The following CCDC85B variants were observed in gnomAD, a reference collection of about 807,000 sequenced individuals.
CCDC85B encodes the protein coiled-coil domain-containing protein 85B.
In CCDC85B, 8 loss-of-function variants were observed where a neutral mutation model predicts 13.6. That is an observed-to-expected ratio of 0.59 (90% CI 0.35 to 1.06). CCDC85B has a LOEUF of 1.06. CCDC85B is among the 50% of genes least tolerant of loss of function. The pLI, the probability that CCDC85B is intolerant of heterozygous loss-of-function variation, is 0.02. For synonymous variants in CCDC85B, 118 were observed against 135.9 expected, an observed-to-expected ratio of 0.87 and a Z score of 0.92; for missense variants, 217 against 285.9, an observed-to-expected ratio of 0.76 and a Z score of 1.74.
chr11:65,891,062 C>A lies in CCDC85B; in HGVS notation c.279C>A (p.Arg93=), dbSNP rs567848309. Residue 93 remains arginine (R), a synonymous_variant, in exon 1 of 1, where the codon CGC becomes CGA. Coordinates refer to ENST00000312579, the MANE Select transcript of CCDC85B (RefSeq NM_006848.3). The surrounding 1 kb of genome is among the most constrained non-coding windows in gnomAD (Gnocchi z 7.3). ...ACTCGGAGCGCCAGCGCGGGCGGCGCGCCGCACGCCAGTGGCAGCTCTTCG... is the reference window on the plus strand; with the variant it reads ...ACTCGGAGCGCCAGCGCGGGCGGCGAGCCGCACGCCAGTGGCAGCTCTTCG... ...FLDSERQRGR[R]AARQWQLFGT... is the part of the protein sequence containing the mutation. 11 of 1,545,208 alleles carry A rather than the reference C, an allele frequency of 7.1e-6. No individual in the cohort carries two copies. In the South Asian group the frequency reaches 1.1e-4, roughly 15 times the overall value.
Position 65,891,406 on chromosome 11 carries a change from T to G in CCDC85B, c.*14T>G. 2 of 1,545,600 alleles carry G rather than the reference T, an allele frequency of 1.3e-6. No homozygotes were observed. Among genetic ancestry groups the G allele is most frequent in the Non-Finnish European group, 1.7e-6 (2 of 1,150,452 alleles). On this transcript the variant is annotated 3_prime_UTR_variant, in exon 1 of 1. Coordinates refer to ENST00000312579, the MANE Select transcript of CCDC85B (RefSeq NM_006848.3). The surrounding 1 kb of genome is among the most constrained non-coding windows in gnomAD (Gnocchi z 7.3). ...CCCGATGATTGAAGGCACTGCTTCC[T>G]CCACGCCGACGCCCGCCCGGATTGC... is the stretch of plus-strand genomic sequence containing the variant.
rs970230123 is a variant in CCDC85B, at chr11:65,891,087, G to C, written c.304G>C (p.Gly102Arg). ...RRAARQWQLF[G>R]TQASRAVRED... ...CGCCGCACGCCAGTGGCAGCTCTTCGGGACCCAAGCATCCCGGGCCGTGCG... is the reference window on the plus strand; with the variant it reads ...CGCCGCACGCCAGTGGCAGCTCTTCCGGACCCAAGCATCCCGGGCCGTGCG... Residue 102 changes from glycine (G) to arginine (R), a missense_variant, in exon 1 of 1, where the codon GGG (glycine) becomes CGG (arginine). Transcript: ENST00000312579. The surrounding 1 kb of genome is among the most constrained non-coding windows in gnomAD (Gnocchi z 7.3). 1 of 1,568,362 alleles carries C rather than the reference G, an allele frequency of 6.4e-7. No individual in the cohort carries two copies. The highest frequency in any genetic ancestry group is 1.8e-5 in the Admixed American group (1 of 54,950).
Position 65,890,755 on chromosome 11 carries a change from C to T in CCDC85B, c.-29C>T. On this transcript the variant is annotated 5_prime_UTR_variant, in exon 1 of 1. Coordinates refer to ENST00000312579, the MANE Select transcript of CCDC85B (RefSeq NM_006848.3). ...GGGGCTCCTGGGCCGCGGCGGCGGG[C>T]GGGCGATGCTCCAGAGGCCTGACCA... The T allele has an allele frequency of 2.2e-6, 3 of 1,372,494 alleles. No homozygotes were observed. Among genetic ancestry groups the T allele is most frequent in the Non-Finnish European group, 2.8e-6 (3 of 1,070,420 alleles). 85.0% of individuals were successfully genotyped at this position (1,372,494 alleles called of 1,614,324 possible). A position where few individuals can be genotyped will look rare whatever the true frequency, so the allele number is the denominator to read the frequency against.
Position 65,891,059 on chromosome 11 carries a change from G to A in CCDC85B, c.276G>A (p.Arg92=), listed in dbSNP as rs977375901. 9.1e-6 allele frequency: 14 copies of A among 1,545,542 alleles called. No individual in the cohort carries two copies. In the Admixed American group the frequency reaches 2.3e-4, roughly 26 times the overall value. ...CFLDSERQRG[R]RAARQWQLFG... ...TGGACTCGGAGCGCCAGCGCGGGCG[G>A]CGCGCCGCACGCCAGTGGCAGCTCT... The change falls in exon 1 of 1, where the codon CGG becomes CGA. Residue 92 remains arginine, a synonymous_variant. Coordinates refer to ENST00000312579, the MANE Select transcript of CCDC85B (RefSeq NM_006848.3). The surrounding 1 kb of genome is among the most constrained non-coding windows in gnomAD (Gnocchi z 7.3).
At position 65,891,437 on chromosome 11, in the gene CCDC85B, G is replaced by A. The variant is rs1377588217; in HGVS notation, c.*45G>A. On this transcript the variant is annotated 3_prime_UTR_variant, in exon 1 of 1. Coordinates refer to ENST00000312579, the MANE Select transcript of CCDC85B (RefSeq NM_006848.3). The surrounding 1 kb of genome is among the most constrained non-coding windows in gnomAD (Gnocchi z 7.3). Reference sequence around the variant, plus strand: ...CCGACGCCCGCCCGGATTGCTCCCCGAGCCCCGGGACCGCTGTGGACCTCG... The same window carrying A: ...CCGACGCCCGCCCGGATTGCTCCCCAAGCCCCGGGACCGCTGTGGACCTCG... 3.3e-6 allele frequency: 5 copies of A among 1,514,672 alleles called. No homozygotes were observed. The highest frequency in any genetic ancestry group is 2.2e-5 in the Admixed American group (1 of 46,436). The allele number at this position is 1,514,672 out of a possible 1,614,324, so 93.8% of individuals were successfully genotyped here.
In CCDC85B at chr11:65,891,038, C is replaced by A; in HGVS notation, c.255C>A (p.Asp85Glu). Reference sequence around the variant, plus strand: ...TGCGCGACCTCTGCTGCTTCCTGGACTCGGAGCGCCAGCGCGGGCGGCGCG... The same window carrying A: ...TGCGCGACCTCTGCTGCTTCCTGGAATCGGAGCGCCAGCGCGGGCGGCGCG... ...RELRDLCCFLDSERQRGRRAA... is the reference protein window; with the variant it reads ...RELRDLCCFLESERQRGRRAA... Residue 85 changes from aspartate to glutamate, a missense_variant, in exon 1 of 1, where the codon GAC (aspartate) becomes GAA (glutamate). Asp to Glu is a conservative substitution (Grantham distance 45). Coordinates refer to ENST00000312579, the MANE Select transcript of CCDC85B (RefSeq NM_006848.3). This position sits in a 1 kb window ranked among gnomAD's most constrained non-coding sequence, Gnocchi z 7.3. The A allele has an allele frequency of 6.5e-7, 1 of 1,543,538 alleles. No homozygotes were observed. Among genetic ancestry groups the A allele is most frequent in the Non-Finnish European group, 8.7e-7 (1 of 1,152,670 alleles).
In CCDC85B at chr11:65,890,848, A is replaced by T; in HGVS notation, c.65A>T (p.Glu22Val). Residue 22 changes from glutamate to valine, a missense_variant, in exon 1 of 1, where the codon GAA (glutamate) becomes GTA (valine). Glu to Val is a moderately radical substitution (Grantham distance 121, BLOSUM62 -2). Transcript: ENST00000312579. The stretch of plus-strand genomic sequence containing the variant: ...GAGGAGATGGCGGCGCTAGGCAAGG[A>T]AGAGCTAGTGCGGCGCCTGCGGCGG... ...TDEEMAALGK[E>V]ELVRRLRREE... The T allele has an allele frequency of 6.6e-7, 1 of 1,523,670 alleles. No individual in the cohort carries two copies. The highest frequency in any genetic ancestry group is 8.8e-7 in the Non-Finnish European group (1 of 1,142,312). 94.4% of individuals were successfully genotyped at this position (1,523,670 alleles called of 1,614,324 possible).
Position 65,891,466 on chromosome 11 carries a change from C to A in CCDC85B, c.*74C>A. On this transcript the variant is annotated 3_prime_UTR_variant, in exon 1 of 1. Coordinates refer to ENST00000312579, the MANE Select transcript of CCDC85B (RefSeq NM_006848.3). The surrounding 1 kb of genome is among the most constrained non-coding windows in gnomAD (Gnocchi z 7.3). ...CCCGGGACCGCTGTGGACCTCGGGACCTGGACGCCGTCCTGGCTGCGCAGG... is the reference window on the plus strand; with the variant it reads ...CCCGGGACCGCTGTGGACCTCGGGAACTGGACGCCGTCCTGGCTGCGCAGG... 1 of 1,446,460 alleles carries A rather than the reference C, an allele frequency of 6.9e-7. No individual in the cohort carries two copies. The highest frequency in any genetic ancestry group is 9.1e-7 in the Non-Finnish European group (1 of 1,096,882). 89.6% of individuals were successfully genotyped at this position (1,446,460 alleles called of 1,614,324 possible).
chr11:65,890,754 G>A lies in CCDC85B; in HGVS notation c.-30G>A. 2 of 1,373,068 alleles carry A rather than the reference G, an allele frequency of 1.5e-6. No individual in the cohort carries two copies. The highest frequency in any genetic ancestry group is 3.3e-5 in the South Asian group (2 of 60,390). The allele number at this position is 1,373,068 out of a possible 1,614,324, so 85.1% of individuals were successfully genotyped here. A position where few individuals can be genotyped will look rare whatever the true frequency, so the allele number is the denominator to read the frequency against. On this transcript the variant is annotated 5_prime_UTR_variant, in exon 1 of 1. Coordinates refer to ENST00000312579, the MANE Select transcript of CCDC85B (RefSeq NM_006848.3). ...TGGGGCTCCTGGGCCGCGGCGGCGG[G>A]CGGGCGATGCTCCAGAGGCCTGACC... is the stretch of plus-strand genomic sequence containing the variant.
chr11:65,891,459 C>A lies in CCDC85B; in HGVS notation c.*67C>A. On this transcript the variant is annotated 3_prime_UTR_variant, in exon 1 of 1. Transcript: ENST00000312579. The surrounding 1 kb of genome is among the most constrained non-coding windows in gnomAD (Gnocchi z 7.3). ...CCCGAGCCCCGGGACCGCTGTGGAC[C>A]TCGGGACCTGGACGCCGTCCTGGCT... is the stretch of plus-strand genomic sequence containing the variant. 1 of 1,461,928 alleles carries A rather than the reference C, an allele frequency of 6.8e-7. No homozygotes were observed. Among genetic ancestry groups the A allele is most frequent in the Non-Finnish European group, 9.0e-7 (1 of 1,106,786 alleles). The allele number at this position is 1,461,928 out of a possible 1,614,324, so 90.6% of individuals were successfully genotyped here.
In CCDC85B at chr11:65,890,889, C is replaced by T; in HGVS notation, c.106C>T (p.Leu36=). 2.6e-6 allele frequency: 4 copies of T among 1,523,446 alleles called. No individual in the cohort carries two copies. The highest frequency in any genetic ancestry group is 3.5e-6 in the Non-Finnish European group (4 of 1,141,488). The allele number at this position is 1,523,446 out of a possible 1,614,324, so 94.4% of individuals were successfully genotyped here. The change falls in exon 1 of 1, where the codon CTG becomes TTG. Residue 36 remains leucine, a synonymous_variant. Coordinates refer to ENST00000312579, the MANE Select transcript of CCDC85B (RefSeq NM_006848.3). ...RRLRREEAAR[L]AALVQRGRLM... Reference sequence around the variant, plus strand: ...CCTGCGGCGGGAGGAGGCGGCGCGCCTGGCGGCACTGGTGCAGCGCGGCCG... The same window carrying T: ...CCTGCGGCGGGAGGAGGCGGCGCGCTTGGCGGCACTGGTGCAGCGCGGCCG...
Position 65,891,288 on chromosome 11 carries a change from G to A in CCDC85B, c.505G>A (p.Ala169Thr), listed in dbSNP as rs765928881. The change falls in exon 1 of 1, where the codon GCC (alanine) becomes ACC (threonine). Residue 169 changes from alanine (A) to threonine (T), a missense_variant. Coordinates refer to ENST00000312579, the MANE Select transcript of CCDC85B (RefSeq NM_006848.3). The surrounding 1 kb of genome is among the most constrained non-coding windows in gnomAD (Gnocchi z 7.3). ...GSGAGPAPEL[A>T]LPPCGPRDLG... ...AGGAGCCGGGCCAGCACCCGAGCTTGCCTTGCCCCCGTGCGGGCCCCGCGA... is the reference window on the plus strand; with the variant it reads ...AGGAGCCGGGCCAGCACCCGAGCTTACCTTGCCCCCGTGCGGGCCCCGCGA... The A allele has an allele frequency of 6.4e-7, 1 of 1,570,172 alleles. No homozygotes were observed. The highest frequency in any genetic ancestry group is 1.2e-5 in the South Asian group (1 of 86,252).
Position 65,890,952 on chromosome 11 carries a change from C to G in CCDC85B, c.169C>G (p.Leu57Val), listed in dbSNP as rs1177135901. The G allele has an allele frequency of 1.3e-6, 2 of 1,531,210 alleles. No individual in the cohort carries two copies. Among genetic ancestry groups the G allele is most frequent in the Non-Finnish European group, 1.7e-6 (2 of 1,145,440 alleles). 94.9% of individuals were successfully genotyped at this position (1,531,210 alleles called of 1,614,324 possible). Residue 57 changes from leucine to valine, a missense_variant, in exon 1 of 1, where the codon CTG becomes GTG. Transcript: ENST00000312579. The stretch of plus-strand genomic sequence containing the variant: ...GGTGAATCGGCAGCTGCAGGGCCAC[C>G]TGGGCGAGATCCGCGAGCTCAAGCA... The part of the protein sequence containing the change: ...QEVNRQLQGH[L>V]GEIRELKQLN...
Position 65,891,298 on chromosome 11 carries a change from C to A in CCDC85B, c.515C>A (p.Pro172Gln), listed in dbSNP as rs1416594855. The change falls in exon 1 of 1, where the codon CCG (proline) becomes CAG (glutamine). Residue 172 changes from proline (P) to glutamine (Q), a missense_variant. Coordinates refer to ENST00000312579, the MANE Select transcript of CCDC85B (RefSeq NM_006848.3). This position sits in a 1 kb window ranked among gnomAD's most constrained non-coding sequence, Gnocchi z 7.3. ...AGPAPELALP[P>Q]CGPRDLGDGS... ...CCAGCACCCGAGCTTGCCTTGCCCC[C>A]GTGCGGGCCCCGCGACCTAGGCGAT... 1 of 1,580,480 alleles carries A rather than the reference C, an allele frequency of 6.3e-7. No individual in the cohort carries two copies. The highest frequency in any genetic ancestry group is 1.4e-5 in the African/African-American group (1 of 72,702).
In CCDC85B at chr11:65,891,379, C is replaced by T. The variant is rs1398383375; in HGVS notation, c.596C>T (p.Ser199Phe). The T allele has an allele frequency of 1.9e-5, 30 of 1,580,398 alleles. No homozygotes were observed. The highest frequency in any genetic ancestry group is 2.5e-5 in the Non-Finnish European group (29 of 1,167,206). The change falls in exon 1 of 1, where the codon TCC (serine) becomes TTC (phenylalanine). Residue 199 changes from serine to phenylalanine, a missense_variant. Transcript: ENST00000312579. The surrounding 1 kb of genome is among the most constrained non-coding windows in gnomAD (Gnocchi z 7.3). ...GSPDQLPLAC[S>F]PDD ...CCGGATCAGTTGCCCCTGGCCTGTT[C>T]CCCCGATGATTGAAGGCACTGCTTC...
In CCDC85B at chr11:65,891,232, C is replaced by T. The variant is rs1304491437; in HGVS notation, c.449C>T (p.Pro150Leu). The T allele has an allele frequency of 6.6e-7, 1 of 1,509,970 alleles. No individual in the cohort carries two copies. The highest frequency in any genetic ancestry group is 8.8e-7 in the Non-Finnish European group (1 of 1,132,482). The allele number at this position is 1,509,970 out of a possible 1,614,324, so 93.5% of individuals were successfully genotyped here. A position where few individuals can be genotyped will look rare whatever the true frequency, so the allele number is the denominator to read the frequency against. Residue 150 changes from proline to leucine, a missense_variant, in exon 1 of 1, where the codon CCC becomes CTC. Transcript: ENST00000312579. This position sits in a 1 kb window ranked among gnomAD's most constrained non-coding sequence, Gnocchi z 7.3. ...LCLALGEEWG[P>L]RGGPSGAGGS... ...CTGGCGCTGGGCGAAGAATGGGGCC[C>T]CCGCGGCGGCCCCAGCGGCGCCGGG...
In CCDC85B at chr11:65,891,254, C is replaced by T. The variant is rs2134784275; in HGVS notation, c.471C>T (p.Ala157=). ...GCCCCCGCGGCGGCCCCAGCGGCGC[C>T]GGGGGATCAGGAGCCGGGCCAGCAC... The part of the protein sequence containing the change: ...EWGPRGGPSG[A]GGSGAGPAPE... The change falls in exon 1 of 1, where the codon GCC becomes GCT. Residue 157 remains alanine (A), a synonymous_variant. Transcript: ENST00000312579. This position sits in a 1 kb window ranked among gnomAD's most constrained non-coding sequence, Gnocchi z 7.3. The T allele has an allele frequency of 6.6e-7, 1 of 1,524,956 alleles. No homozygotes were observed. The highest frequency in any genetic ancestry group is 1.2e-5 in the South Asian group (1 of 81,226). 94.5% of individuals were successfully genotyped at this position (1,524,956 alleles called of 1,614,324 possible). A position where few individuals can be genotyped will look rare whatever the true frequency, so the allele number is the denominator to read the frequency against.
rs1237824245 is a variant in CCDC85B at position 65,890,965 on chromosome 11, G to C, written c.182G>C (p.Arg61Pro). Residue 61 changes from arginine to proline, a missense_variant, in exon 1 of 1, where the codon CGC becomes CCC. Transcript: ENST00000312579. ...CTGCAGGGCCACCTGGGCGAGATCC[G>C]CGAGCTCAAGCAGCTCAACCGGCGT... ...RQLQGHLGEI[R>P]ELKQLNRRLQ... The C allele has an allele frequency of 6.5e-7, 1 of 1,531,830 alleles. No homozygotes were observed. The highest frequency in any genetic ancestry group is 2.0e-5 in the Admixed American group (1 of 50,902). 94.9% of individuals were successfully genotyped at this position (1,531,830 alleles called of 1,614,324 possible).
rs1860375157 is a variant in CCDC85B, at chr11:65,890,906, G to C, written c.123G>C (p.Gln41His). The change falls in exon 1 of 1, where the codon CAG becomes CAC. Residue 41 changes from glutamine to histidine, a missense_variant. Coordinates refer to ENST00000312579, the MANE Select transcript of CCDC85B (RefSeq NM_006848.3). ...EEAARLAALVQRGRLMQEVNR... is the reference protein window; with the variant it reads ...EEAARLAALVHRGRLMQEVNR... ...CGGCGCGCCTGGCGGCACTGGTGCA[G>C]CGCGGCCGCCTCATGCAGGAGGTGA... is the stretch of plus-strand genomic sequence containing the variant. 2 of 1,529,652 alleles carry C rather than the reference G, an allele frequency of 1.3e-6. No individual in the cohort carries two copies. Among genetic ancestry groups the C allele is most frequent in the Non-Finnish European group, 1.7e-6 (2 of 1,144,586 alleles). The allele number at this position is 1,529,652 out of a possible 1,614,324, so 94.8% of individuals were successfully genotyped here.
Sources: gnomAD v4.1 joint callset for allele counts on GRCh38, gnomAD v4.1.1 for gene constraint, Gnocchi (gnomAD v3.1) non-coding constraint, MANE v1.5 for transcripts, NCBI Gene and HGNC (gene_info 2026-07-23, HGNC 2026-07-21) for gene names.